CTNND2: variants seen among roughly 807,000 people sequenced by gnomAD.
CTNND2 encodes the protein catenin delta 2, also known as catenin delta-2.
A neutral mutation model predicts 144.4 loss-of-function variants in CTNND2; 22 were observed. That is an observed-to-expected ratio of 0.15 (90% CI 0.11 to 0.22). The LOEUF is 0.22. CTNND2 is among the 10% of genes least tolerant of loss of function. The probability of loss-of-function intolerance (pLI) is 1.00; values close to 1 mark genes in which losing one functional copy is unlikely to be tolerated. For synonymous variants in CTNND2, 751 were observed against 695.6 expected, an observed-to-expected ratio of 1.08 and a Z score of -1.25; for missense variants, 1,353 against 1,618.8, an observed-to-expected ratio of 0.84 and a Z score of 2.82.
At chr5:11,183,474 CA>C in intron 11 of CTNND2, among the ~76,000 whole-genome samples, 1 of 152,064 alleles carries the variant, frequency 6.6e-6, no homozygotes, top group East Asian at 1.9e-4. Flanking sequence ...ATGGCATCGA[CA>C]CTCTCCAGCT....
chr5:11,648,426 A>T (rs1169377272), intron 2 of CTNND2, among the ~76,000 whole-genome samples: 1 of 152,274 alleles, frequency 6.6e-6, no homozygotes, highest in East Asian at 1.9e-4. Flanking sequence ...AGAGATGCCA[A>T]GTAAGCTACT....
At chr5:11,682,675 A>G (rs10072965) in intron 2 of CTNND2, among the ~76,000 whole-genome samples, 35,235 of 152,078 alleles carry the variant, frequency 0.23, 6,807 homozygotes, top group African/African-American at 0.53. Flanking sequence ...CACAGTTATT[A>G]TTCTTAATTG....
intron 2 of CTNND2, among the ~76,000 whole-genome samples, chr5:11,580,220 G>A (rs1778317147): frequency 6.6e-6 from 1 of 151,656 alleles, no homozygotes; most frequent in Non-Finnish European, 1.5e-5. Flanking sequence ...TATTATAACT[G>A]TTATTTCTGT....
chr5:11,331,096 C>A (rs568159826), intron 9 of CTNND2, among the ~76,000 whole-genome samples: 1 of 152,254 alleles, frequency 6.6e-6, no homozygotes, highest in South Asian at 2.1e-4. Flanking sequence ...TCTTTAATGT[C>A]GAAAGCACTT....
chr5:11,032,841 C>T (rs1419326916), intron 16 of CTNND2, among the ~76,000 whole-genome samples: 1 of 152,134 alleles, frequency 6.6e-6, no homozygotes, highest in African/African-American at 2.4e-5. Flanking sequence ...TTAATGATTG[C>T]TAGGAGTTTA....
intron 1 of CTNND2, among the ~76,000 whole-genome samples, chr5:11,829,264 T>A (rs914598382): frequency 6.6e-6 from 1 of 152,188 alleles, no homozygotes; most frequent in African/African-American, 2.4e-5. Context: ...CAGAAATTTA[T>A]ATAAGTAATG....
intron 1 of CTNND2, among the ~76,000 whole-genome samples, chr5:11,810,849 C>T (rs1354130878): frequency 6.6e-6 from 1 of 151,430 alleles, no homozygotes; most frequent in Non-Finnish European, 1.5e-5. Context: ...CTGGTGTCGG[C>T]ACTTAAGGGC....
At chr5:11,013,250 C>T (rs1028728643) in intron 18 of CTNND2, among the ~76,000 whole-genome samples, 1 of 152,182 alleles carries the variant, frequency 6.6e-6, no homozygotes, top group Non-Finnish European at 1.5e-5. Context: ...GTCCACTCTC[C>T]ATCAAACTTA....
chr5:11,782,379 C>A (rs760702455), intron 1 of CTNND2, among the ~76,000 whole-genome samples: 1 of 144,416 alleles, frequency 6.9e-6, no homozygotes, highest in Non-Finnish European at 1.5e-5. Flanking sequence ...AAACTTACTA[C>A]GTTTGAAATT....
chr5:11,071,251 AT>A (rs1277720975), intron 16 of CTNND2, among the ~76,000 whole-genome samples: 7 of 152,182 alleles, frequency 4.6e-5, no homozygotes, highest in African/African-American at 1.7e-4. Flanking sequence ...TAAGAAAAAA[AT>A]CAGGGCTGGG....
chr5:11,303,242 A>G (rs1453989227), intron 9 of CTNND2, among the ~76,000 whole-genome samples: 1 of 152,216 alleles, frequency 6.6e-6, no homozygotes, highest in East Asian at 1.9e-4. Context: ...CTCTGATGAG[A>G]AAAAGACAAT....
At chr5:11,721,507 C>T (rs1187171782) in intron 2 of CTNND2, among the ~76,000 whole-genome samples, 1 of 152,094 alleles carries the variant, frequency 6.6e-6, no homozygotes, top group Admixed American at 6.5e-5. Flanking sequence ...TGTAACAAAC[C>T]ACCTCAAGAT....
At chr5:11,108,427 T>C (rs148984321) in intron 14 of CTNND2, among the ~76,000 whole-genome samples, 6 of 152,216 alleles carry the variant, frequency 3.9e-5, no homozygotes, top group African/African-American at 1.2e-4. Flanking sequence ...CAGTCATTTA[T>C]GCATTTGGCA....
chr5:11,419,788 C>T (rs1762220409), intron 3 of CTNND2, among the ~76,000 whole-genome samples: 1 of 152,156 alleles, frequency 6.6e-6, no homozygotes, highest in African/African-American at 2.4e-5. Flanking sequence ...ACAAAGCAAA[C>T]CATTACTAGA....
intron 9 of CTNND2, among the ~76,000 whole-genome samples, chr5:11,335,276 A>G (rs1457082651): frequency 6.6e-6 from 1 of 152,232 alleles, no homozygotes; most frequent in Non-Finnish European, 1.5e-5. Flanking sequence ...CTCCAAATTA[A>G]TGAGCACTAT....
At chr5:11,323,242 G>GGGGGC (rs1752222212) in intron 9 of CTNND2, among the ~76,000 whole-genome samples, 3 of 137,096 alleles carry the variant, frequency 2.2e-5, no homozygotes, top group Non-Finnish European at 3.2e-5. Flanking sequence ...GGGGGGGGGG[G>GGGGGC]TCTCACTATA....
Position 11,240,386 on chromosome 5 carries a change from T to TCACACACCCAACA in CTNND2, c.1629-3576_1629-3564dup, listed in dbSNP as rs1554009630. On this transcript the variant is annotated intron_variant, in intron 9 of 21. Coordinates refer to ENST00000304623, the MANE Select transcript of CTNND2 (RefSeq NM_001332.4). Reference sequence around the variant, plus strand: ...ACACACACCCAACACACACATACACTCACACACCCAACACACACACCCACA... The same window carrying TCACACACCCAACA: ...ACACACACCCAACACACACATACACTCACACACCCAACACACACACCCAACACACACACCCACA... 5.7e-3 allele frequency among the ~76,000 whole-genome samples: 539 copies of TCACACACCCAACA among 93,814 alleles called. 24 individuals carry two copies. The highest frequency in any genetic ancestry group is 0.02 in the African/African-American group (446 of 21,882). 61.5% of individuals were successfully genotyped at this position (93,814 alleles called of 152,430 possible). A position where few individuals can be genotyped will look rare whatever the true frequency, so the allele number is the denominator to read the frequency against.
At chr5:11,054,609 C>T (rs1746168501) in intron 16 of CTNND2, among the ~76,000 whole-genome samples, 1 of 152,076 alleles carries the variant, frequency 6.6e-6, no homozygotes, top group Admixed American at 6.6e-5. Context: ...CGTTCATCAT[C>T]TCCCAGCTCC....
At chr5:11,401,411 G>C (rs1237627216) in intron 5 of CTNND2, among the ~76,000 whole-genome samples, 1 of 152,146 alleles carries the variant, frequency 6.6e-6, no homozygotes, top group Admixed American at 6.5e-5. Context: ...AGAGGCCAGA[G>C]GTCTACAATG....
Sources: gnomAD v4.1 joint callset for allele counts (sites outside exome capture counted in the v4.1 genomes callset) on GRCh38, gnomAD v4.1.1 for gene constraint, MANE v1.5 for transcripts, NCBI Gene and HGNC (gene_info 2026-07-23, HGNC 2026-07-21) for gene names.